Variants in DSCAML1 observed in about 807,000 individuals in gnomAD.
DSCAML1 encodes the protein DS cell adhesion molecule like 1, also known as cell adhesion molecule DSCAML1.
A neutral mutation model predicts 200.5 loss-of-function variants in DSCAML1; 38 were observed. The observed-to-expected ratio is 0.19, with a 90% CI of 0.15 to 0.25. The LOEUF (loss-of-function observed/expected upper bound fraction) is 0.25, where lower values mean the gene tolerates loss of function less well. DSCAML1 is among the 10% of genes least tolerant of loss of function. The pLI, the probability that DSCAML1 is intolerant of heterozygous loss-of-function variation, is 1.00. For missense variants in DSCAML1, 2,223 were observed against 2,858.8 expected, an observed-to-expected ratio of 0.78 and a Z score of 5.07; for synonymous variants, 1,215 against 1,165.0, an observed-to-expected ratio of 1.04 and a Z score of -0.87.
intron 5 of DSCAML1, 65 bp downstream of exon 5, chr11:117,524,740 C>G (rs1245502392): frequency 6.6e-7 from 1 of 1,521,986 alleles, no homozygotes; most frequent in African/African-American, 1.4e-5. Context: ...GGCCACACTC[C>G]TCCCCCGACC....
chr11:117,439,539 G>A, intron 22 of DSCAML1, 110 bp from the exon 23 acceptor site: 2 of 1,383,600 alleles, frequency 1.4e-6, no homozygotes, highest in South Asian at 1.4e-5. Flanking sequence ...AGGCTCGCCA[G>A]GGAACGCCGG....
chr11:117,572,731 G>A (rs1218424735), intron 3 of DSCAML1, among the ~76,000 whole-genome samples: 5 of 152,188 alleles, frequency 3.3e-5, no homozygotes, highest in African/African-American at 7.2e-5. Flanking sequence ...AGGCAAATGA[G>A]TCCCTGCCCT....
At chr11:117,485,419 G>C (rs2049026311) in intron 11 of DSCAML1, among the ~76,000 whole-genome samples, 1 of 152,208 alleles carries the variant, frequency 6.6e-6, no homozygotes, top group African/African-American at 2.4e-5. Flanking sequence ...CAGTCCCCTA[G>C]CTCAGGGCTA....
chr11:117,538,449 CGCCTCCTGCGGTCAG>C (rs1565774618), intron 3 of DSCAML1, among the ~76,000 whole-genome samples: 3 of 152,188 alleles, frequency 2.0e-5, no homozygotes, highest in Admixed American at 2.0e-4. Context: ...GGGCCCCCAG[CGCCTCCTGCGGTCAG>C]GCCTCCTGCA....
chr11:117,552,235 A>G (rs1264489504), intron 3 of DSCAML1, among the ~76,000 whole-genome samples: 1 of 152,016 alleles, frequency 6.6e-6, no homozygotes, highest in African/African-American at 2.4e-5. Flanking sequence ...CCGCCTTGAC[A>G]ATTGTCTCAA....
intron 11 of DSCAML1, among the ~76,000 whole-genome samples, chr11:117,486,911 C>CT (rs56805170): frequency 0.015 from 1,221 of 79,622 alleles, 141 homozygotes; most frequent in Non-Finnish European, 0.02. Flanking sequence ...TGTAAAATAC[C>CT]TTTTTTTTTT....
In DSCAML1 at chr11:117,518,494, A is replaced by T. The variant is rs571936692; in HGVS notation, c.1482T>A (p.Ala494=). ...RCTARNLVGS[A]EYQARINVRG... Reference sequence around the variant, plus strand: ...TTACGTTTATTCGCGCCTGATATTCAGCACTGCCCACCAAGTTCCGCGCTG... The same window carrying T: ...TTACGTTTATTCGCGCCTGATATTCTGCACTGCCCACCAAGTTCCGCGCTG... Residue 494 remains alanine, a synonymous_variant, in exon 7 of 33, where the codon GCT becomes GCA. Transcript: ENST00000651296. The surrounding 1 kb of genome is among the most constrained non-coding windows in gnomAD (Gnocchi z 6.3). 9 of 1,614,090 alleles carry T rather than the reference A, an allele frequency of 5.6e-6. No homozygotes were observed. Among genetic ancestry groups the T allele is most frequent in the Non-Finnish European group, 7.6e-6 (9 of 1,180,044 alleles).
intron 3 of DSCAML1, among the ~76,000 whole-genome samples, chr11:117,566,100 C>A (rs2050750589): frequency 6.6e-6 from 1 of 152,194 alleles, no homozygotes; most frequent in South Asian, 2.1e-4. Context: ...ATTTTATCCT[C>A]CTGCAATCCT....
chr11:117,435,514 G>T (rs571025143), intron 27 of DSCAML1, 130 bp downstream of exon 27: 161 of 1,094,740 alleles, frequency 1.5e-4, no homozygotes, highest in Non-Finnish European at 1.9e-4. Flanking sequence ...AGTCTGAGTG[G>T]CTGCTCCTCC....
At chr11:117,781,948 C>T (rs1371978360) in intron 1 of DSCAML1, among the ~76,000 whole-genome samples, 1 of 152,218 alleles carries the variant, frequency 6.6e-6, no homozygotes, top group Admixed American at 6.5e-5. Context: ...CAAGGGGTGT[C>T]CCCCTTCCTC....
chr11:117,684,557 G>A (rs1157685201), intron 3 of DSCAML1, among the ~76,000 whole-genome samples: 1 of 148,006 alleles, frequency 6.8e-6, no homozygotes, highest in African/African-American at 2.4e-5. Flanking sequence ...GCAAAGAGCA[G>A]AGAGAGAGAG....
intron 1 of DSCAML1, among the ~76,000 whole-genome samples, chr11:117,794,609 A>G (rs1216914504): frequency 2.0e-5 from 3 of 151,934 alleles, no homozygotes; most frequent in Admixed American, 6.6e-5. Flanking sequence ...TTGCAAGAGG[A>G]TATTGTTTTC....
chr11:117,742,636 C>T (rs1174265948), intron 3 of DSCAML1, among the ~76,000 whole-genome samples: 1 of 152,214 alleles, frequency 6.6e-6, no homozygotes, highest in Non-Finnish European at 1.5e-5. Context: ...AGAGCCGGGT[C>T]AGCATCCAGG....
intron 5 of DSCAML1, among the ~76,000 whole-genome samples, chr11:117,522,083 G>A (rs1445359491): frequency 6.6e-6 from 1 of 152,234 alleles, no homozygotes; most frequent in African/African-American, 2.4e-5. Flanking sequence ...AAAGCCATAG[G>A]TCTTTAGAGC....
intron 3 of DSCAML1, among the ~76,000 whole-genome samples, chr11:117,694,956 A>G (rs2053562464): frequency 1.3e-5 from 2 of 152,218 alleles, no homozygotes; most frequent in African/African-American, 2.4e-5. Context: ...GATGCCTGCT[A>G]AGGACTTGAC....
chr11:117,754,710 G>C (rs938383439), intron 3 of DSCAML1, among the ~76,000 whole-genome samples: 2 of 152,172 alleles, frequency 1.3e-5, no homozygotes, highest in Non-Finnish European at 2.9e-5. Flanking sequence ...TATGGGGAAG[G>C]AGGAGGGGGA....
At position 117,431,595 on chromosome 11, in the gene DSCAML1, G is replaced by A. The variant is rs1459541005; in HGVS notation, c.5313C>T (p.Ser1771=). The A allele has an allele frequency of 6.2e-7, 1 of 1,612,318 alleles. No individual in the cohort carries two copies. Among genetic ancestry groups the A allele is most frequent in the Admixed American group, 1.7e-5 (1 of 59,894 alleles). The change falls in exon 31 of 33, where the codon TCC becomes TCT. Residue 1771 remains serine (S), a synonymous_variant. Coordinates refer to ENST00000651296, the MANE Select transcript of DSCAML1 (RefSeq NM_020693.4). ...TLTSDWRTVG[S]QHGVTVTESD... ...TCTCAGTGACCGTGACACCATGCTG[G>A]GAGCCCACGGTGCGCCAGTCGGAGG...
At chr11:117,792,523 G>T (rs1425032784) in intron 1 of DSCAML1, among the ~76,000 whole-genome samples, 1 of 151,748 alleles carries the variant, frequency 6.6e-6, no homozygotes, top group Admixed American at 6.6e-5. Flanking sequence ...AGCTGCCCTA[G>T]GGGAGGTGGA....
At chr11:117,806,541 G>A (rs1484998930) in intron 1 of DSCAML1, among the ~76,000 whole-genome samples, 1 of 152,220 alleles carries the variant, frequency 6.6e-6, no homozygotes, top group African/African-American at 2.4e-5. Flanking sequence ...TTATAATTGA[G>A]CACTTGCTGT....
Sources: gnomAD v4.1 joint callset for allele counts (sites outside exome capture counted in the v4.1 genomes callset) on GRCh38, gnomAD v4.1.1 for gene constraint, Gnocchi (gnomAD v3.1) non-coding constraint, MANE v1.5 for transcripts, NCBI Gene and HGNC (gene_info 2026-07-23, HGNC 2026-07-21) for gene names.